The following TBC1D1 variants were observed in gnomAD, a reference collection of about 807,000 sequenced individuals.
TBC1D1 encodes TBC1 domain family member 1, also known as TBC1 (tre-2/USP6, BUB2, cdc16) domain family, member 1.
TBC1D1 carries 89 observed loss-of-function variants against 125.6 expected under a neutral mutation model. The ratio of observed to expected loss-of-function variants is 0.71; its 90% confidence interval spans 0.60 to 0.85. TBC1D1 has a LOEUF of 0.85. Among genes scored for constraint, TBC1D1 ranks in the 40% least tolerant of loss-of-function variants. The pLI, the probability that TBC1D1 is intolerant of heterozygous loss-of-function variation, is 0.00. For synonymous variants in TBC1D1, 565 were observed against 564.1 expected, an observed-to-expected ratio of 1.00 and a Z score of -0.02; for missense variants, 1,377 against 1,469.2, an observed-to-expected ratio of 0.94 and a Z score of 1.03.
At chr4:37,996,811 C>G (rs1206526599) in intron 2 of TBC1D1, among the ~76,000 whole-genome samples, 1 of 152,204 alleles carries the variant, frequency 6.6e-6, no homozygotes, top group African/African-American at 2.4e-5. Context: ...CTGGGCCACA[C>G]TGTACATTTG....
At chr4:38,078,127 A>T (rs2152520915) in intron 12 of TBC1D1, among the ~76,000 whole-genome samples, 1 of 152,326 alleles carries the variant, frequency 6.6e-6, no homozygotes, top group African/African-American at 2.4e-5. Context: ...TGAATTCAAA[A>T]GAAAGGACAG....
chr4:38,112,387 C>T (rs78966747), intron 15 of TBC1D1, among the ~76,000 whole-genome samples: 2,299 of 152,278 alleles, frequency 0.015, 47 homozygotes, highest in East Asian at 0.071. Flanking sequence ...TGCTACAGAA[C>T]GGTCATAAGT....
intron 15 of TBC1D1, among the ~76,000 whole-genome samples, chr4:38,112,345 C>G (rs1481584147): frequency 4.6e-5 from 7 of 152,222 alleles, no homozygotes; most frequent in Non-Finnish European, 1.0e-4. Flanking sequence ...AAAGTTGTTC[C>G]TTTACTTTAA....
At chr4:38,027,109 G>A (rs528437309) in intron 6 of TBC1D1, among the ~76,000 whole-genome samples, 33 of 152,242 alleles carry the variant, frequency 2.2e-4, no homozygotes, top group African/African-American at 7.7e-4. Context: ...AAAGTAATTT[G>A]GAGCCACACA....
At chr4:38,019,696 A>C (rs1281907004) in intron 4 of TBC1D1, among the ~76,000 whole-genome samples, 1 of 152,184 alleles carries the variant, frequency 6.6e-6, no homozygotes, top group African/African-American at 2.4e-5. Context: ...ATCTGTATTA[A>C]GGTGCCTCTG....
At chr4:37,939,402 A>G (rs1308526772) in intron 2 of TBC1D1, among the ~76,000 whole-genome samples, 1 of 152,044 alleles carries the variant, frequency 6.6e-6, no homozygotes, top group Non-Finnish European at 1.5e-5. Flanking sequence ...GTTTGAGTTC[A>G]TTGTAGATTC....
chr4:38,050,427 T>C (rs1029226984), intron 11 of TBC1D1, among the ~76,000 whole-genome samples: 1 of 152,236 alleles, frequency 6.6e-6, no homozygotes, highest in East Asian at 1.9e-4. Context: ...CTAAAATCTC[T>C]CACTGTAAGA....
Position 38,111,915 on chromosome 4 carries a change from AGC to A in TBC1D1, c.2558-3794_2558-3793del, listed in dbSNP as rs1384119048. 6.4e-5 allele frequency: 63 copies of A among 985,460 alleles called. No individual in the cohort carries two copies. The African/African-American group carries it at 9.9e-4, about 16-fold the overall frequency. 61.0% of individuals were successfully genotyped at this position (985,460 alleles called of 1,614,324 possible). A position where few individuals can be genotyped will look rare whatever the true frequency, so the allele number is the denominator to read the frequency against. Reference sequence around the variant, plus strand: ...GGCCAGAGACTCACAGCTGTTCCCCAGCCTGGTAGTGAACCCAGAGGCCTGTC... The same window carrying A: ...GGCCAGAGACTCACAGCTGTTCCCCACTGGTAGTGAACCCAGAGGCCTGTC... On this transcript the variant is annotated intron_variant, in intron 15 of 19. Coordinates refer to ENST00000261439, the MANE Select transcript of TBC1D1 (RefSeq NM_015173.4).
intron 1 of TBC1D1, among the ~76,000 whole-genome samples, chr4:37,896,688 A>G (rs1295179169): frequency 1.3e-5 from 2 of 151,420 alleles, no homozygotes; most frequent in Non-Finnish European, 2.9e-5. Flanking sequence ...CAGCACTTGG[A>G]TGGGAGTCAG....
chr4:38,062,573 A>G (rs912559972), intron 12 of TBC1D1, among the ~76,000 whole-genome samples: 5 of 152,220 alleles, frequency 3.3e-5, no homozygotes, highest in Non-Finnish European at 1.5e-5. Flanking sequence ...ATGGATTTCT[A>G]TGGTTAAAGA....
intron 14 of TBC1D1, among the ~76,000 whole-genome samples, chr4:38,097,084 T>C (rs1198533955): frequency 6.6e-6 from 1 of 152,216 alleles, no homozygotes; most frequent in Admixed American, 6.5e-5. Flanking sequence ...TAACCAGGTG[T>C]TCTGAATAAG....
chr4:37,988,189 T>G (rs1367397948), intron 2 of TBC1D1, among the ~76,000 whole-genome samples: 1 of 152,206 alleles, frequency 6.6e-6, no homozygotes, highest in Non-Finnish European at 1.5e-5. Flanking sequence ...TTCCAATACA[T>G]TTTTTGACCT....
chr4:37,961,498 G>A (rs749992134), intron 2 of TBC1D1, among the ~76,000 whole-genome samples: 5 of 152,166 alleles, frequency 3.3e-5, no homozygotes, highest in African/African-American at 2.4e-5. Context: ...ATGAAATCCC[G>A]TATCTTATTC....
chr4:37,999,203 G>A (rs182686965), intron 2 of TBC1D1, among the ~76,000 whole-genome samples: 5 of 152,304 alleles, frequency 3.3e-5, no homozygotes, highest in Non-Finnish European at 5.9e-5. Context: ...AGTGAGCTGA[G>A]ATCAAGCCAC....
At chr4:38,050,963 T>G (rs1750415713) in intron 11 of TBC1D1, among the ~76,000 whole-genome samples, 1 of 152,210 alleles carries the variant, frequency 6.6e-6, no homozygotes, top group South Asian at 2.1e-4. Flanking sequence ...AATACACGCT[T>G]TTAGAGACAC....
rs773293686 is a variant in TBC1D1 at position 38,103,064 on chromosome 4, C to T, written c.2464C>T (p.Gln822Ter). The T allele has an allele frequency of 6.2e-7, 1 of 1,614,070 alleles. No individual in the cohort carries two copies. Residue 822 changes from glutamine to a stop codon, truncating the protein, a stop_gained, in exon 15 of 20, where the codon CAG (glutamine) becomes TAG (stop). Coordinates refer to ENST00000261439, the MANE Select transcript of TBC1D1 (RefSeq NM_015173.4). LOFTEE classifies it high-confidence loss of function. Reference sequence around the variant, plus strand: ...AGCTGAGCAATTCCACCTTAAACACCAGTTTCCCAGCAAACAGCAGCCAAA... The same window carrying T: ...AGCTGAGCAATTCCACCTTAAACACTAGTTTCCCAGCAAACAGCAGCCAAA...
intron 15 of TBC1D1, among the ~76,000 whole-genome samples, chr4:38,112,441 T>G (rs926748762): frequency 3.3e-5 from 5 of 152,204 alleles, no homozygotes; most frequent in Non-Finnish European, 5.9e-5. Context: ...TTTTATAATG[T>G]GTGTGGTCTA....
chr4:38,093,519 T>TCC (rs1553935738), intron 13 of TBC1D1, among the ~76,000 whole-genome samples: 1 of 145,756 alleles, frequency 6.9e-6, no homozygotes, highest in Non-Finnish European at 1.5e-5. Flanking sequence ...AAGGCCGTTT[T>TCC]CCCCCCCCTT....
chr4:38,083,934 C>CT lies in TBC1D1; in HGVS notation c.2051-5980dup, dbSNP rs61161366. ...TTTCTTTATACCAAATGAATGTTGT[C>CT]TTTTTTTTTTTTTTTTTTCTTGAGA... is the stretch of plus-strand genomic sequence containing the variant. On this transcript the variant is annotated intron_variant, in intron 12 of 19. Transcript: ENST00000261439. Among the ~76,000 whole-genome samples, 427 of 133,286 alleles carry CT rather than the reference C, an allele frequency of 3.2e-3. 5 individuals are homozygous for CT. The highest frequency in any genetic ancestry group is 5.4e-3 in the African/African-American group (191 of 35,380). 87.4% of individuals were successfully genotyped at this position (133,286 alleles called of 152,430 possible).
Sources: gnomAD v4.1 joint callset for allele counts (sites outside exome capture counted in the v4.1 genomes callset) on GRCh38, gnomAD v4.1.1 for gene constraint, MANE v1.5 for transcripts, NCBI Gene and HGNC (gene_info 2026-07-23, HGNC 2026-07-21) for gene names.